CNTNAP2: variants seen among roughly 807,000 people sequenced by gnomAD.
The protein encoded by CNTNAP2 is contactin-associated protein-like 2.
In CNTNAP2, 98 loss-of-function variants were observed where a neutral mutation model predicts 155.2. The observed-to-expected ratio is 0.63, with a 90% CI of 0.54 to 0.75. CNTNAP2 has a LOEUF of 0.75. CNTNAP2 is among the 30% of genes least tolerant of loss of function. CNTNAP2 has a pLI of 0.00. For missense variants in CNTNAP2, 1,727 were observed against 1,688.1 expected, an observed-to-expected ratio of 1.02 and a Z score of -0.40; for synonymous variants, 651 against 631.2, an observed-to-expected ratio of 1.03 and a Z score of -0.47.
At chr7:148,144,622 T>C (rs1390681641) in intron 16 of CNTNAP2, among the ~76,000 whole-genome samples, 1 of 152,198 alleles carries the variant, frequency 6.6e-6, no homozygotes, top group Non-Finnish European at 1.5e-5. Flanking sequence ...CCCTTCCCAG[T>C]TCTTGATACT....
intron 3 of CNTNAP2, among the ~76,000 whole-genome samples, chr7:146,888,419 C>T (rs1401722508): frequency 1.3e-5 from 2 of 152,014 alleles, no homozygotes; most frequent in African/African-American, 4.8e-5. Context: ...ATATTGGTAA[C>T]AATTGTATTT....
At chr7:146,804,975 G>A (rs1802941900) in intron 2 of CNTNAP2, among the ~76,000 whole-genome samples, 1 of 152,102 alleles carries the variant, frequency 6.6e-6, no homozygotes, top group Non-Finnish European at 1.5e-5. Flanking sequence ...TTGGATCTTT[G>A]ATAGTACTTG....
At chr7:146,311,667 A>G (rs10281436) in intron 1 of CNTNAP2, 5 of 149,458 alleles carry the variant, frequency 3.3e-5, no homozygotes, top group Admixed American at 1.3e-4. Flanking sequence ...GCAAAGAAAG[A>G]AAGGAAAGAG....
intron 15 of CNTNAP2, among the ~76,000 whole-genome samples, chr7:148,040,370 C>A (rs1802647955): frequency 6.6e-6 from 1 of 152,210 alleles, no homozygotes; most frequent in Non-Finnish European, 1.5e-5. Context: ...GAAATTACCT[C>A]AGATGAAACT....
At chr7:148,228,314 T>C (rs1795893797) in intron 19 of CNTNAP2, among the ~76,000 whole-genome samples, 1 of 152,186 alleles carries the variant, frequency 6.6e-6, no homozygotes, top group African/African-American at 2.4e-5. Flanking sequence ...CATTGTCATA[T>C]TAGTTATTTT....
chr7:146,733,090 G>A (rs1197527561), intron 1 of CNTNAP2, among the ~76,000 whole-genome samples: 1 of 151,958 alleles, frequency 6.6e-6, no homozygotes, highest in Non-Finnish European at 1.5e-5. Flanking sequence ...ATATTAATTG[G>A]GATTGAGAAT....
At chr7:147,062,007 A>G (rs1321731250) in intron 4 of CNTNAP2, among the ~76,000 whole-genome samples, 2 of 151,642 alleles carry the variant, frequency 1.3e-5, no homozygotes, top group Admixed American at 1.3e-4. Flanking sequence ...GGGCGCCTGT[A>G]GTCCCAGCTA....
intron 20 of CNTNAP2, among the ~76,000 whole-genome samples, chr7:148,248,778 AT>A (rs1416905741): frequency 6.6e-6 from 1 of 152,180 alleles, no homozygotes; most frequent in Non-Finnish European, 1.5e-5. Context: ...AATGAAATCA[AT>A]GAGTTTATGG....
intron 1 of CNTNAP2, among the ~76,000 whole-genome samples, chr7:146,221,341 GATATACGTATAA>G (rs1799205437): frequency 1.3e-5 from 2 of 151,836 alleles, no homozygotes; most frequent in South Asian, 4.1e-4. Flanking sequence ...TATACAGAAG[GATATACGTATAA>G]ATATACGTTT....
chr7:147,912,770 T>G (rs868656997), intron 14 of CNTNAP2, among the ~76,000 whole-genome samples: 1 of 152,150 alleles, frequency 6.6e-6, no homozygotes, highest in Non-Finnish European at 1.5e-5. Context: ...AAGTTCTTCT[T>G]CATCCCAAGC....
intron 9 of CNTNAP2, among the ~76,000 whole-genome samples, chr7:147,304,864 G>A (rs1794998776): frequency 6.6e-6 from 1 of 152,172 alleles, no homozygotes; most frequent in Non-Finnish European, 1.5e-5. Flanking sequence ...GGAAGTCTAA[G>A]ACCAAGGTAT....
intron 11 of CNTNAP2, among the ~76,000 whole-genome samples, chr7:147,519,834 C>T (rs1416230695): frequency 1.3e-5 from 2 of 152,202 alleles, no homozygotes; most frequent in East Asian, 3.8e-4. Flanking sequence ...CACTGCACTC[C>T]AACCTGGGCA....
intron 1 of CNTNAP2, among the ~76,000 whole-genome samples, chr7:146,575,155 C>T (rs1413950252): frequency 1.3e-5 from 2 of 151,976 alleles, no homozygotes; most frequent in African/African-American, 4.8e-5. Context: ...TTTTTTCTGT[C>T]GCCCAGGGTG....
intron 11 of CNTNAP2, among the ~76,000 whole-genome samples, chr7:147,506,053 C>T (rs1162128423): frequency 6.6e-6 from 1 of 152,124 alleles, no homozygotes; most frequent in Non-Finnish European, 1.5e-5. Flanking sequence ...CAGTTCTTAG[C>T]TAAGGAGATG....
chr7:147,333,811 T>G (rs377011278), intron 9 of CNTNAP2, among the ~76,000 whole-genome samples: 1 of 152,016 alleles, frequency 6.6e-6, no homozygotes, highest in African/African-American at 2.4e-5. Flanking sequence ...TTTTAGCAAA[T>G]AGAAAATAGT....
intron 15 of CNTNAP2, among the ~76,000 whole-genome samples, chr7:148,086,928 G>A (rs1376975824): frequency 6.6e-6 from 1 of 151,990 alleles, no homozygotes; most frequent in Admixed American, 6.5e-5. Flanking sequence ...CAACTGATTT[G>A]AGCAGTGTTG....
At chr7:146,983,489 A>G (rs1798057566) in intron 3 of CNTNAP2, among the ~76,000 whole-genome samples, 1 of 152,214 alleles carries the variant, frequency 6.6e-6, no homozygotes, top group African/African-American at 2.4e-5. Flanking sequence ...TTAATGCACT[A>G]AAGAGTTGCT....
At chr7:146,191,884 C>A (rs996523678) in intron 1 of CNTNAP2, among the ~76,000 whole-genome samples, 3 of 152,064 alleles carry the variant, frequency 2.0e-5, no homozygotes, top group African/African-American at 7.2e-5. Context: ...GCTTTACGAA[C>A]AATTTGTGCA....
At chr7:147,631,609 G>T (rs7781000) in intron 12 of CNTNAP2, among the ~76,000 whole-genome samples, 4,685 of 152,146 alleles carry the variant, frequency 0.031, 240 homozygotes, top group African/African-American at 0.11. Flanking sequence ...ACCAAAACAG[G>T]ATGGTACTGG....
Sources: gnomAD v4.1 joint callset for allele counts (sites outside exome capture counted in the v4.1 genomes callset) on GRCh38, gnomAD v4.1.1 for gene constraint, MANE v1.5 for transcripts, NCBI Gene and HGNC (gene_info 2026-07-23, HGNC 2026-07-21) for gene names.